Variants in CADPS observed in about 807,000 individuals in gnomAD.
The protein encoded by CADPS is calcium dependent secretion activator.
In CADPS, 57 loss-of-function variants were observed where a neutral mutation model predicts 167.3. That is an observed-to-expected ratio of 0.34 (90% CI 0.28 to 0.42). The LOEUF (loss-of-function observed/expected upper bound fraction) is 0.42. Among genes scored for constraint, CADPS ranks in the 20% least tolerant of loss-of-function variants. CADPS has a pLI of 1.00. For missense variants in CADPS, 1,414 were observed against 1,738.1 expected (o/e 0.81, Z 3.32); for synonymous variants, 676 against 635.3 (o/e 1.06, Z -0.96).
chr3:62,620,488 G>A (rs754634231), intron 6 of CADPS, among the ~76,000 whole-genome samples: 1 of 152,052 alleles, frequency 6.6e-6, no homozygotes, highest in South Asian at 2.1e-4. Context: ...AATATACTAG[G>A]CACTGTATGA....
intron 3 of CADPS, among the ~76,000 whole-genome samples, chr3:62,689,877 G>A (rs3905295): frequency 0.05 from 7,584 of 152,062 alleles, 263 homozygotes; most frequent in East Asian, 0.11. Context: ...GAGGGGGGGC[G>A]GCGTTCTAGC....
chr3:62,673,464 G>C (rs2075880497), intron 3 of CADPS, among the ~76,000 whole-genome samples: 1 of 152,070 alleles, frequency 6.6e-6, no homozygotes, highest in Non-Finnish European at 1.5e-5. Context: ...TTAAACTCTG[G>C]GAGTCTCTGC....
chr3:62,490,312 A>C (rs1263701817), intron 21 of CADPS, among the ~76,000 whole-genome samples: 1 of 152,036 alleles, frequency 6.6e-6, no homozygotes, highest in Non-Finnish European at 1.5e-5. Context: ...TAAAAAAAGA[A>C]AGAAAGAAAG....
At chr3:62,528,186 G>A (rs1463844741) in intron 13 of CADPS, among the ~76,000 whole-genome samples, 6 of 152,166 alleles carry the variant, frequency 3.9e-5, no homozygotes, top group South Asian at 4.1e-4. Context: ...ATATACAAGT[G>A]CTAATCTTGG....
intron 6 of CADPS, among the ~76,000 whole-genome samples, chr3:62,596,261 T>C (rs775372407): frequency 1.3e-5 from 2 of 151,338 alleles, no homozygotes; most frequent in Non-Finnish European, 2.9e-5. Context: ...AGTGGCATGA[T>C]CTTGGCTCAC....
chr3:62,744,372 A>G (rs1260220813), intron 3 of CADPS, among the ~76,000 whole-genome samples: 1 of 151,620 alleles, frequency 6.6e-6, no homozygotes, highest in Non-Finnish European at 1.5e-5. Flanking sequence ...AAAAAAAAGG[A>G]TTGAAACACA....
chr3:62,563,342 A>T lies in CADPS; in HGVS notation c.1645-5829T>A, dbSNP rs147316761. Among the ~76,000 whole-genome samples the T allele has an allele frequency of 2.4e-3, 367 of 152,310 alleles. 1 individual carries two copies. Among genetic ancestry groups the T allele is most frequent in the African/African-American group, 8.4e-3 (350 of 41,566 alleles). On this transcript the variant is annotated intron_variant, in intron 9 of 29. Coordinates refer to ENST00000383710, the MANE Select transcript of CADPS (RefSeq NM_003716.4). ...TAACTCATTTTAATATTGTATTCCC[A>T]GGTGACTACTATTGTATTCCAAGGC... is the stretch of plus-strand genomic sequence containing the variant.
At chr3:62,498,020 T>TA in intron 18 of CADPS, 1 of 428,756 alleles carries the variant, frequency 2.3e-6, no homozygotes, top group Admixed American at 2.6e-5. Context: ...AAGTTGCTGT[T>TA]ACATTCCTTG....
At chr3:62,495,292 C>T (rs1424730522) in intron 18 of CADPS, among the ~76,000 whole-genome samples, 1 of 152,112 alleles carries the variant, frequency 6.6e-6, no homozygotes. Flanking sequence ...ATAATCAAAC[C>T]TGACTCTCCA....
intron 1 of CADPS, among the ~76,000 whole-genome samples, chr3:62,795,592 T>C (rs1057109771): frequency 1.3e-5 from 2 of 151,584 alleles, no homozygotes; most frequent in African/African-American, 4.9e-5. Context: ...TTCTTCTTCA[T>C]AGGCCCTCAT....
At chr3:62,677,689 TA>T (rs2076541187) in intron 3 of CADPS, among the ~76,000 whole-genome samples, 1 of 152,094 alleles carries the variant, frequency 6.6e-6, no homozygotes, top group African/African-American at 2.4e-5. Context: ...AACATTTGAT[TA>T]TGGGGGCAAA....
chr3:62,718,981 A>G (rs1161414710), intron 3 of CADPS, among the ~76,000 whole-genome samples: 1 of 151,982 alleles, frequency 6.6e-6, no homozygotes, highest in Non-Finnish European at 1.5e-5. Context: ...ACTATAGAAC[A>G]TTTTTCGTGA....
chr3:62,787,629 T>G (rs2092583172), intron 1 of CADPS, among the ~76,000 whole-genome samples: 1 of 152,148 alleles, frequency 6.6e-6, no homozygotes, highest in East Asian at 1.9e-4. Flanking sequence ...ACTGATAGGA[T>G]GTGTGTTCAA....
chr3:62,618,054 T>C (rs926277478), intron 6 of CADPS, among the ~76,000 whole-genome samples: 3 of 152,118 alleles, frequency 2.0e-5, no homozygotes, highest in Non-Finnish European at 4.4e-5. Context: ...GACTGGTTCA[T>C]GGGTGGATAT....
At position 62,465,630 on chromosome 3, in the gene CADPS, C is replaced by A. The variant is rs573123399; in HGVS notation, c.3553-180G>T. Among the ~76,000 whole-genome samples the A allele has an allele frequency of 6.6e-6, 1 of 152,194 alleles. No homozygotes were observed. The highest frequency in any genetic ancestry group is 6.5e-5 in the Admixed American group (1 of 15,276). ...ACTGCCTTTACATAGAAATATTTGA[C>A]TTATCCGGCTTTCTCTTCATTATTA... On this transcript the variant is annotated intron_variant, in intron 25 of 29. Coordinates refer to ENST00000383710, the MANE Select transcript of CADPS (RefSeq NM_003716.4). The surrounding 1 kb of genome is among the most constrained non-coding windows in gnomAD (Gnocchi z 4.1).
rs111550188 is a variant in CADPS at position 62,614,922 on chromosome 3, G to A, written c.1326-22174C>T. 6.9e-3 allele frequency among the ~76,000 whole-genome samples: 1,054 copies of A among 152,192 alleles called. 10 individuals are homozygous for A. The highest frequency in any genetic ancestry group is 0.024 in the African/African-American group (994 of 41,514). On this transcript the variant is annotated intron_variant, in intron 6 of 29. Transcript: ENST00000383710. ...GGAACATAACATATGTGTCTCTTAG[G>A]GCAGTGAGAATTAAATGGGACAGTG... is the stretch of plus-strand genomic sequence containing the variant.
Position 62,645,735 on chromosome 3 carries a change from C to G in CADPS, c.1312G>C (p.Ala438Pro). Reference protein sequence around the residue: ...GEKLQTDQAEASKPTWGTQGD... With the variant: ...GEKLQTDQAEPSKPTWGTQGD... ...AACATAACTTACGTTGGTTTAGAAGCCTCGGCCTGATCAGTCTGTAGTTTC... is the reference window on the plus strand; with the variant it reads ...AACATAACTTACGTTGGTTTAGAAGGCTCGGCCTGATCAGTCTGTAGTTTC... The change falls in exon 6 of 30, where the codon GCT becomes CCT. Residue 438 changes from alanine (A) to proline (P), a missense_variant. Ala to Pro is a conservative substitution (Grantham distance 27). This residue lies in a region of CADPS where 157 missense variants were observed against 229.4 expected (regional missense o/e 0.68). Coordinates refer to ENST00000383710, the MANE Select transcript of CADPS (RefSeq NM_003716.4). The G allele has an allele frequency of 6.2e-7, 1 of 1,614,082 alleles. No individual in the cohort carries two copies. Among genetic ancestry groups the G allele is most frequent in the Non-Finnish European group, 8.5e-7 (1 of 1,179,966 alleles).
At chr3:62,407,093 C>T (rs1446032555) in intron 28 of CADPS, among the ~76,000 whole-genome samples, 1 of 152,032 alleles carries the variant, frequency 6.6e-6, no homozygotes, top group East Asian at 1.9e-4. Context: ...ATGATAAGGC[C>T]TCAATAAATG....
chr3:62,589,821 G>T (rs1469200848), intron 7 of CADPS, among the ~76,000 whole-genome samples: 1 of 152,142 alleles, frequency 6.6e-6, no homozygotes, highest in Non-Finnish European at 1.5e-5. Flanking sequence ...AGTAGAAATG[G>T]CTTTGAGAAG....
Sources: gnomAD v4.1 joint callset for allele counts (sites outside exome capture counted in the v4.1 genomes callset) on GRCh38, gnomAD v4.1.1 for gene constraint, gnomAD v4.1.1 regional missense constraint, Gnocchi (gnomAD v3.1) non-coding constraint, MANE v1.5 for transcripts, NCBI Gene and HGNC (gene_info 2026-07-23, HGNC 2026-07-21) for gene names.